The following CCL18 variants were observed in gnomAD, a reference collection of about 807,000 sequenced individuals.
CCL18 encodes the protein C-C motif chemokine 18.
CCL18 carries 7 observed loss-of-function variants against 8.0 expected under a neutral mutation model. The ratio of observed to expected loss-of-function variants is 0.87; its 90% CI spans 0.50 to 1.64. CCL18 has a LOEUF of 1.64. Among genes scored for constraint, CCL18 ranks in the 40% most tolerant of loss-of-function variants. The probability of loss-of-function intolerance (pLI) is 0.00; values close to 1 mark genes in which losing one functional copy is unlikely to be tolerated. For synonymous variants in CCL18, 35 were observed against 41.3 expected (o/e 0.85, Z 0.59); for missense variants, 95 against 107.8 (o/e 0.88, Z 0.52).
chr17:36,068,019 C>T (rs919667600), intron 1 of CCL18, among the ~76,000 whole-genome samples: 5 of 152,092 alleles, frequency 3.3e-5, no homozygotes, highest in African/African-American at 1.2e-4. Context: ...AACTTTGTAG[C>T]CTAGGAGCTA....
Position 36,070,527 on chromosome 17 carries a change from A to G in CCL18, c.148A>G (p.Thr50Ala). Residue 50 changes from threonine (T) to alanine (A), a missense_variant, in exon 2 of 3, where the codon ACC becomes GCC. Physicochemically the swap from Thr to Ala is moderately conservative, Grantham distance 58 (BLOSUM62 0). Coordinates refer to ENST00000616054, the MANE Select transcript of CCL18 (RefSeq NM_002988.4). The part of the protein sequence containing the change: ...PQKFIVDYSE[T>A]SPQCPKPGVI... ...AAAGTTCATAGTTGACTATTCTGAA[A>G]CCAGCCCCCAGTGCCCCAAGCCAGG... The G allele has an allele frequency of 6.2e-7, 1 of 1,613,666 alleles. No individual in the cohort carries two copies. Among genetic ancestry groups the G allele is most frequent in the East Asian group, 2.2e-5 (1 of 44,886 alleles).
rs2066866911 is a variant in CCL18, at chr17:36,071,535, G to T, written c.*494G>T. ...GGAATCACAGACTGAGAGGAATTCTGGGGGAGGAGTAGGGAAATATGAAAA... is the reference window on the plus strand; with the variant it reads ...GGAATCACAGACTGAGAGGAATTCTTGGGGAGGAGTAGGGAAATATGAAAA... On this transcript the variant is annotated 3_prime_UTR_variant, in exon 3 of 3. Coordinates refer to ENST00000616054, the MANE Select transcript of CCL18 (RefSeq NM_002988.4). 6.5e-6 allele frequency: 1 copy of T among 154,594 alleles called. No individual in the cohort carries two copies. The highest frequency in any genetic ancestry group is 6.3e-5 in the Admixed American group (1 of 15,788). The allele number at this position is 154,594 out of a possible 1,614,324, so 9.6% of individuals were successfully genotyped here. A position where few individuals can be genotyped will look rare whatever the true frequency, so the allele number is the denominator to read the frequency against.
chr17:36,065,377 T>TCTTCATTTTAC (rs769225186), intron 1 of CCL18, among the ~76,000 whole-genome samples: 24 of 152,198 alleles, frequency 1.6e-4, no homozygotes, highest in Non-Finnish European at 3.1e-4. Context: ...CTTGGAAATG[T>TCTTCATTTTAC]CTTCATTTTA....
Position 36,070,987 on chromosome 17 carries a change from C to A in CCL18, c.216C>A (p.Asp72Glu), listed in dbSNP as rs1437099371. The change falls in exon 3 of 3, where the codon GAC becomes GAA. Residue 72 changes from aspartate to glutamate, a missense_variant. Asp to Glu is a conservative substitution (Grantham distance 45). Transcript: ENST00000616054. The part of the protein sequence containing the change: ...LTKRGRQICA[D>E]PNKKWVQKYI... Reference sequence around the variant, plus strand: ...AGAGAGGCCGGCAGATCTGTGCTGACCCCAATAAGAAGTGGGTCCAGAAAT... The same window carrying A: ...AGAGAGGCCGGCAGATCTGTGCTGAACCCAATAAGAAGTGGGTCCAGAAAT... 1 of 1,613,980 alleles carries A rather than the reference C, an allele frequency of 6.2e-7. No homozygotes were observed. The highest frequency in any genetic ancestry group is 8.5e-7 in the Non-Finnish European group (1 of 1,179,856).
In CCL18 at chr17:36,071,323, T is replaced by C. The variant is rs1260837754; in HGVS notation, c.*282T>C. 1 of 414,374 alleles carries C rather than the reference T, an allele frequency of 2.4e-6. No individual in the cohort carries two copies. The highest frequency in any genetic ancestry group is 4.3e-5 in the East Asian group (1 of 23,342). The allele number at this position is 414,374 out of a possible 1,614,324, so 25.7% of individuals were successfully genotyped here. ...CCCTTTCCCTTCAACTCTTCGTACATTCAATGCATGGATCAATCAGTGTGA... is the reference window on the plus strand; with the variant it reads ...CCCTTTCCCTTCAACTCTTCGTACACTCAATGCATGGATCAATCAGTGTGA... On this transcript the variant is annotated 3_prime_UTR_variant, in exon 3 of 3. Transcript: ENST00000616054.
At chr17:36,064,478 T>C in intron 1 of CCL18, 69 bp downstream of exon 1, 1 of 1,237,626 alleles carries the variant, frequency 8.1e-7, no homozygotes. Flanking sequence ...CCAAGTGCTG[T>C]GGCCTGAAAA....
At chr17:36,068,115 AGACTAAT>A (rs2066846898) in intron 1 of CCL18, among the ~76,000 whole-genome samples, 2 of 152,208 alleles carry the variant, frequency 1.3e-5, no homozygotes, top group East Asian at 3.8e-4. Flanking sequence ...ATAACAAAAC[AGACTAAT>A]GACAAGTTCC....
At position 36,066,572 on chromosome 17, in the gene CCL18, G is replaced by A. The variant is rs138971598; in HGVS notation, c.67+2163G>A. On this transcript the variant is annotated intron_variant, in intron 1 of 2. Coordinates refer to ENST00000616054, the MANE Select transcript of CCL18 (RefSeq NM_002988.4). ...ATGTTGGGGTACCTTGGGTCCCCCA[G>A]GGGTTCAGGATGTACAAGAGCAACT... Among the ~76,000 whole-genome samples, 1,049 of 152,374 alleles carry A rather than the reference G, an allele frequency of 6.9e-3. 4 individuals carry two copies. The highest frequency in any genetic ancestry group is 0.013 in the East Asian group (65 of 5,190).
Position 36,071,372 on chromosome 17 carries a change from G to A in CCL18, c.*331G>A. On this transcript the variant is annotated 3_prime_UTR_variant, in exon 3 of 3. Transcript: ENST00000616054. ...GATTAGCTTTCTCAGCAGACATTGT[G>A]CCATATGTATCAAATGACAAATCTT... 3.9e-6 allele frequency: 1 copy of A among 258,368 alleles called. No individual in the cohort carries two copies. Among genetic ancestry groups the A allele is most frequent in the Non-Finnish European group, 7.4e-6 (1 of 135,916 alleles). 16.0% of individuals were successfully genotyped at this position (258,368 alleles called of 1,614,324 possible).
At chr17:36,068,017 A>G (rs770438334) in intron 1 of CCL18, among the ~76,000 whole-genome samples, 13 of 152,206 alleles carry the variant, frequency 8.5e-5, no homozygotes, top group Admixed American at 2.0e-4. Context: ...ACAACTTTGT[A>G]GCCTAGGAGC....
chr17:36,065,037 C>G (rs1466484059), intron 1 of CCL18, among the ~76,000 whole-genome samples: 1 of 152,182 alleles, frequency 6.6e-6, no homozygotes, highest in Non-Finnish European at 1.5e-5. Context: ...CTGAGCAACT[C>G]CTGTTGTCTT....
At chr17:36,070,417 C>A (rs371389027) in intron 1 of CCL18, 30 bp from the exon 2 acceptor site, 234 of 1,376,744 alleles carry the variant, frequency 1.7e-4, no homozygotes, top group Non-Finnish European at 2.4e-4. Flanking sequence ...TGAACAATGA[C>A]TTGGGATCTT....
intron 1 of CCL18, among the ~76,000 whole-genome samples, chr17:36,068,978 G>T (rs2066851165): frequency 1.3e-5 from 2 of 151,974 alleles, no homozygotes; most frequent in South Asian, 4.2e-4. Flanking sequence ...TCCTGCCTCA[G>T]CGTCCAAAGA....
chr17:36,069,055 A>G (rs753743096), intron 1 of CCL18, among the ~76,000 whole-genome samples: 3 of 151,962 alleles, frequency 2.0e-5, no homozygotes, highest in Non-Finnish European at 2.9e-5. Context: ...GGGTCTCACT[A>G]TGTTGCTCAG....
intron 1 of CCL18, among the ~76,000 whole-genome samples, chr17:36,069,162 C>G (rs2066852450): frequency 6.6e-6 from 1 of 152,178 alleles, no homozygotes; most frequent in Non-Finnish European, 1.5e-5. Context: ...GCTCTGATGT[C>G]CATGGTACAT....
At chr17:36,067,797 T>G (rs1309155162) in intron 1 of CCL18, among the ~76,000 whole-genome samples, 1 of 152,212 alleles carries the variant, frequency 6.6e-6, no homozygotes, top group Non-Finnish European at 1.5e-5. Context: ...TGGAATGATT[T>G]GGAAAAGTCT....
Position 36,070,469 on chromosome 17 carries a change from C to A in CCL18, c.90C>A (p.Cys30Ter). 1 of 1,612,782 alleles carries A rather than the reference C, an allele frequency of 6.2e-7. No homozygotes were observed. Among genetic ancestry groups the A allele is most frequent in the South Asian group, 1.1e-5 (1 of 91,056 alleles). The part of the protein sequence containing the change: ...CAQVGTNKEL[C>*]CLVYTSWQIP... ...CAGTTGGTACCAACAAAGAGCTCTG[C>A]TGCCTCGTCTATACCTCCTGGCAGA... Residue 30 changes from cysteine to a stop codon, truncating the protein, a stop_gained, in exon 2 of 3, where the codon TGC becomes TGA. Transcript: ENST00000616054. LOFTEE classifies it high-confidence loss of function.
chr17:36,069,915 C>A (rs564570016), intron 1 of CCL18, among the ~76,000 whole-genome samples: 1 of 152,220 alleles, frequency 6.6e-6, no homozygotes, highest in Non-Finnish European at 1.5e-5. Context: ...TCTCTAAGAC[C>A]TCCAAATACA....
chr17:36,069,326 C>T (rs1598793220), intron 1 of CCL18, among the ~76,000 whole-genome samples: 1 of 152,210 alleles, frequency 6.6e-6, no homozygotes, highest in South Asian at 2.1e-4. Flanking sequence ...GAAACCATTT[C>T]CCCACCAAGG....
Sources: gnomAD v4.1 joint callset for allele counts (sites outside exome capture counted in the v4.1 genomes callset) on GRCh38, gnomAD v4.1.1 for gene constraint, MANE v1.5 for transcripts, NCBI Gene and HGNC (gene_info 2026-07-23, HGNC 2026-07-21) for gene names.